Variants in OTOG observed in about 807,000 individuals in gnomAD.
OTOG encodes otogelin.
Under a neutral mutation model 313.8 loss-of-function variants are expected in OTOG, and 296 were observed. The observed-to-expected ratio is 0.94, with a 90% CI of 0.86 to 1.04. The LOEUF is 1.04. Ranked by LOEUF, OTOG falls within the 50% of genes least tolerant of loss-of-function variation. The pLI is 0.00. For synonymous variants in OTOG, 1,533 were observed against 1,554.9 expected, an observed-to-expected ratio of 0.99 and a Z score of 0.33; for missense variants, 3,948 against 3,840.1, an observed-to-expected ratio of 1.03 and a Z score of -0.74.
intron 23 of OTOG, among the ~76,000 whole-genome samples, chr11:17,579,230 C>T (rs1852610642): frequency 6.6e-6 from 1 of 152,206 alleles, no homozygotes; most frequent in Non-Finnish European, 1.5e-5. Context: ...GATTAGTGGT[C>T]ACCCGGGAGT....
Position 17,586,528 on chromosome 11 carries a change from GA to G in OTOG, c.2816del (p.Lys939ArgfsTer11). ...FLPEECPCTW[K>X]GKEYFPGDQV... is the part of the protein sequence containing the mutation. ...TGCCAGAGGAGTGCCCCTGCACTTG[GA>G]AGGGGAAGGAGTATTTCCCTGGGGA... On this transcript the variant is annotated frameshift_variant, in exon 24 of 56. Transcript: ENST00000399397. LOFTEE classifies it high-confidence loss of function. 1 of 1,454,548 alleles carries G rather than the reference GA, an allele frequency of 6.9e-7. No homozygotes were observed. Among genetic ancestry groups the G allele is most frequent in the Non-Finnish European group, 9.1e-7 (1 of 1,098,830 alleles). The allele number at this position is 1,454,548 out of a possible 1,614,324, so 90.1% of individuals were successfully genotyped here.
chr11:17,551,551 G>A (rs1257804807), intron 3 of OTOG, among the ~76,000 whole-genome samples: 1 of 152,036 alleles, frequency 6.6e-6, no homozygotes, highest in African/African-American at 2.4e-5. Flanking sequence ...GGGGGTGGCT[G>A]TGGGGGTGAG....
Position 17,629,179 on chromosome 11 carries a change from G to T in OTOG, c.6575G>T (p.Gly2192Val), listed in dbSNP as rs536834261. The T allele has an allele frequency of 4.3e-5, 67 of 1,550,582 alleles. No homozygotes were observed. In the African/African-American group the frequency reaches 9.0e-4, roughly 21 times the overall value. Residue 2192 changes from glycine (G) to valine (V), a missense_variant, in exon 40 of 56, where the codon GGA becomes GTA. Transcript: ENST00000399397. ...QPVWPPVSRY[G>V]FRIEDTGHMY... is the part of the protein sequence containing the mutation. ...GTGTGGCCACCGGTGAGCAGGTATG[G>T]ATTCAGAATTGAGGACACAGGCCAC... is the stretch of plus-strand genomic sequence containing the variant.
At chr11:17,638,727 T>C (rs1847905662) in intron 48 of OTOG, 178 bp downstream of exon 48, 1 of 1,545,426 alleles carries the variant, frequency 6.5e-7, no homozygotes. Context: ...TGCTGAGCAT[T>C]CCTACAGCCT....
At position 17,645,962 on chromosome 11, in the gene OTOG, T is replaced by C; in HGVS notation, c.*18T>C. 6.5e-7 allele frequency: 1 copy of C among 1,545,694 alleles called. No individual in the cohort carries two copies. Among genetic ancestry groups the C allele is most frequent in the Admixed American group, 2.0e-5 (1 of 50,994 alleles). On this transcript the variant is annotated 3_prime_UTR_variant, in exon 56 of 56. Transcript: ENST00000399397. ...GGTCCTGAGGCCTGGGGGCCCGGGC[T>C]AGCTGGACCACCTCTGCCAGCCCCA... is the stretch of plus-strand genomic sequence containing the variant.
chr11:17,619,522 A>G (rs1853811082), intron 39 of OTOG, among the ~76,000 whole-genome samples: 1 of 151,632 alleles, frequency 6.6e-6, no homozygotes, highest in Non-Finnish European at 1.5e-5. Flanking sequence ...ACTCCATTTC[A>G]TCTCCAATGT....
At chr11:17,600,786 T>C (rs1853231322) in intron 31 of OTOG, among the ~76,000 whole-genome samples, 1 of 152,214 alleles carries the variant, frequency 6.6e-6, no homozygotes, top group Non-Finnish European at 1.5e-5. Context: ...TGTTTCGTTT[T>C]CTCTCTTCCA....
intron 54 of OTOG, among the ~76,000 whole-genome samples, chr11:17,643,967 G>A (rs1848024043): frequency 6.6e-6 from 1 of 152,236 alleles, no homozygotes; most frequent in Admixed American, 6.5e-5. Flanking sequence ...AGTGTCCACT[G>A]TCGCCCAGGT....
chr11:17,561,895 G>T (rs1852194507), intron 15 of OTOG, 88 bp downstream of exon 15: 3 of 1,486,846 alleles, frequency 2.0e-6, no homozygotes, highest in Middle Eastern at 4.1e-4. Flanking sequence ...ACAGGGCTCA[G>T]GTCTTCCCAT....
intron 39 of OTOG, among the ~76,000 whole-genome samples, chr11:17,625,880 C>T (rs1234626281): frequency 6.6e-6 from 1 of 152,164 alleles, no homozygotes; most frequent in African/African-American, 2.4e-5. Flanking sequence ...TTGCCCAAAC[C>T]AATGTCCTGG....
intron 24 of OTOG, among the ~76,000 whole-genome samples, chr11:17,589,296 C>G (rs2134054072): frequency 6.6e-6 from 1 of 152,150 alleles, no homozygotes; most frequent in Admixed American, 6.5e-5. Context: ...GATAACTATT[C>G]CACTCTTTCT....
chr11:17,581,652 G>A (rs1852669770), intron 23 of OTOG, among the ~76,000 whole-genome samples: 1 of 152,042 alleles, frequency 6.6e-6, no homozygotes, highest in Non-Finnish European at 1.5e-5. Context: ...AAATTACATG[G>A]ATCCTAAGTA....
At chr11:17,642,006 G>T in intron 52 of OTOG, 55 bp downstream of exon 52, 1 of 1,533,546 alleles carries the variant, frequency 6.5e-7, no homozygotes, top group Non-Finnish European at 8.8e-7. Flanking sequence ...GGGACACCAG[G>T]ACTAGGGCCC....
intron 11 of OTOG, 63 bp downstream of exon 11, chr11:17,559,224 C>A: frequency 8.2e-7 from 1 of 1,218,084 alleles, no homozygotes; most frequent in South Asian, 1.4e-5. Context: ...TCTCAGGCCT[C>A]AGCTCAATGT....
chr11:17,576,570 G>T lies in OTOG; in HGVS notation c.2501G>T (p.Cys834Phe), dbSNP rs1425886120. 1 of 1,550,404 alleles carries T rather than the reference G, an allele frequency of 6.4e-7. No individual in the cohort carries two copies. Among genetic ancestry groups the T allele is most frequent in the Admixed American group, 2.0e-5 (1 of 51,002 alleles). Residue 834 changes from cysteine (C) to phenylalanine (F), a missense_variant, in exon 21 of 56, where the codon TGC (cysteine) becomes TTC (phenylalanine). Transcript: ENST00000399397. Reference sequence around the variant, plus strand: ...TTTTTTTATAGGAACCAGTGCTCCTGCCACTTCCAGGGAGTGGACTATCCC... The same window carrying T: ...TTTTTTTATAGGAACCAGTGCTCCTTCCACTTCCAGGGAGTGGACTATCCC... The part of the protein sequence containing the change: ...DLCVPRNQCS[C>F]HFQGVDYPPG...
Position 17,641,948 on chromosome 11 carries a change from C to T in OTOG, c.8292C>T (p.Phe2764=), listed in dbSNP as rs768327007. ...FTFPNGTTSL[F]LPGASWIADC... is the part of the protein sequence containing the mutation. The stretch of plus-strand genomic sequence containing the variant: ...TCCCCAATGGCACCACCTCCCTGTT[C>T]TTGGTAAGCAGCCCCCTCGCTGCCC... The change falls in exon 52 of 56, where the codon TTC becomes TTT. Residue 2764 remains phenylalanine (F), a synonymous_variant. Coordinates refer to ENST00000399397, the MANE Select transcript of OTOG (RefSeq NM_001292063.2). The T allele has an allele frequency of 9.7e-6, 15 of 1,549,960 alleles. No individual in the cohort carries two copies. In the South Asian group the frequency reaches 1.7e-4, roughly 17 times the overall value.
chr11:17,580,580 G>T (rs1852643358), intron 23 of OTOG, among the ~76,000 whole-genome samples: 1 of 152,216 alleles, frequency 6.6e-6, no homozygotes. Context: ...GATGCAGACA[G>T]GTCTGCTAAG....
intron 3 of OTOG, among the ~76,000 whole-genome samples, chr11:17,548,718 CT>C (rs924551442): frequency 1.3e-5 from 2 of 150,608 alleles, no homozygotes; most frequent in African/African-American, 2.4e-5. Flanking sequence ...TCCTTTGAGC[CT>C]TTTTTTTTCT....
intron 13 of OTOG, 41 bp from the exon 14 acceptor site, chr11:17,561,050 T>C (rs1852170998): frequency 2.6e-6 from 4 of 1,549,346 alleles, no homozygotes; most frequent in African/African-American, 1.4e-5. Context: ...AGCTCAGGCC[T>C]GGAGGGGTGA....
Sources: gnomAD v4.1 joint callset for allele counts (sites outside exome capture counted in the v4.1 genomes callset) on GRCh38, gnomAD v4.1.1 for gene constraint, MANE v1.5 for transcripts, NCBI Gene and HGNC (gene_info 2026-07-23, HGNC 2026-07-21) for gene names.